The following DNAJC10 variants were observed in gnomAD, a reference collection of about 807,000 sequenced individuals.
The protein encoded by DNAJC10 is DnaJ heat shock protein family (Hsp40) member C10.
Under a neutral mutation model 115.0 loss-of-function variants are expected in DNAJC10, and 101 were observed. The ratio of observed to expected loss-of-function variants is 0.88; its 90% CI spans 0.75 to 1.04. DNAJC10 has a LOEUF of 1.04. Among genes scored for constraint, DNAJC10 ranks in the 50% least tolerant of loss-of-function variants. The probability of loss-of-function intolerance (pLI) is 0.00; values close to 1 mark genes in which losing one functional copy is unlikely to be tolerated. For missense variants in DNAJC10, 981 were observed against 928.8 expected (o/e 1.06, Z -0.73); for synonymous variants, 307 against 301.5 (o/e 1.02, Z -0.19).
chr2:182,731,828 T>C (rs777830799), intron 9 of DNAJC10, among the ~76,000 whole-genome samples: 12 of 152,186 alleles, frequency 7.9e-5, no homozygotes, highest in Admixed American at 4.6e-4. Flanking sequence ...GACACTGCCT[T>C]GCAGCAAAAC....
At chr2:182,751,130 CTTTTT>C (rs773393648) in intron 14 of DNAJC10, among the ~76,000 whole-genome samples, 18 of 85,180 alleles carry the variant, frequency 2.1e-4, no homozygotes, top group South Asian at 5.4e-4. Context: ...GAGATTTTGA[CTTTTT>C]TTTTTTTTTT....
At chr2:182,734,881 G>A (rs1219543706) in intron 10 of DNAJC10, among the ~76,000 whole-genome samples, 3 of 151,234 alleles carry the variant, frequency 2.0e-5, no homozygotes, top group Admixed American at 6.6e-5. Context: ...AGCTACACCA[G>A]CTTTCTTTTG....
At chr2:182,718,479 T>C (rs1693058103) in intron 3 of DNAJC10, among the ~76,000 whole-genome samples, 189 bp downstream of exon 3, 1 of 152,210 alleles carries the variant, frequency 6.6e-6, no homozygotes, top group African/African-American at 2.4e-5. Flanking sequence ...GGAATGTCAG[T>C]ACCAAAAATT....
At chr2:182,776,804 A>G (rs1694718656) in intron 23 of DNAJC10, among the ~76,000 whole-genome samples, 1 of 152,228 alleles carries the variant, frequency 6.6e-6, no homozygotes, top group African/African-American at 2.4e-5. Context: ...TTATCTCATT[A>G]AATATTTGAA....
chr2:182,731,756 A>G (rs184202554), intron 9 of DNAJC10, among the ~76,000 whole-genome samples: 178 of 152,304 alleles, frequency 1.2e-3, no homozygotes, highest in African/African-American at 3.8e-3. Flanking sequence ...CTATATTGAA[A>G]AGGTACTGCC....
chr2:182,761,499 G>A (rs1694283821), intron 21 of DNAJC10, among the ~76,000 whole-genome samples: 1 of 152,112 alleles, frequency 6.6e-6, no homozygotes, highest in South Asian at 2.1e-4. Flanking sequence ...GATATTTTAA[G>A]TGTCCTGAAG....
In DNAJC10 at chr2:182,759,173, G is replaced by A; in HGVS notation, c.2011G>A (p.Val671Ile). ...CATTTGCCACAGATTTTTACCTCAA[G>A]TATCCACAGATCTAACACCTCAGAC... ...RIWGLGFLPQ[V>I]STDLTPQTFS... is the part of the protein sequence containing the mutation. The change falls in exon 21 of 24, where the codon GTA becomes ATA. Residue 671 changes from valine to isoleucine, a missense_variant. By Grantham distance (29) the Val-to-Ile change is conservative (BLOSUM62 3). Transcript: ENST00000264065. 1.3e-6 allele frequency: 2 copies of A among 1,581,378 alleles called. No homozygotes were observed. The highest frequency in any genetic ancestry group is 1.7e-6 in the Non-Finnish European group (2 of 1,170,870).
intron 16 of DNAJC10, 28 bp from the exon 17 acceptor site, chr2:182,754,975 C>T: frequency 2.0e-6 from 3 of 1,471,778 alleles, no homozygotes; most frequent in Non-Finnish European, 2.8e-6. Context: ...TCTATAAAAT[C>T]TTTAATTCAT....
chr2:182,769,374 A>C (rs760644112), intron 22 of DNAJC10, among the ~76,000 whole-genome samples: 2 of 152,088 alleles, frequency 1.3e-5, no homozygotes, highest in African/African-American at 2.4e-5. Context: ...TGGTAATTCT[A>C]ATTCTAGATC....
intron 11 of DNAJC10, among the ~76,000 whole-genome samples, chr2:182,737,508 G>A (rs1341498736): frequency 2.6e-5 from 4 of 152,082 alleles, no homozygotes; most frequent in Admixed American, 2.0e-4. Flanking sequence ...ATGCAATTAC[G>A]ACTTTGTGCC....
intron 8 of DNAJC10, 35 bp from the exon 9 acceptor site, chr2:182,730,990 ATAGGT>A: frequency 7.3e-7 from 1 of 1,379,144 alleles, no homozygotes; most frequent in Non-Finnish European, 1.0e-6. Context: ...TAAAGGAGTA[ATAGGT>A]GATCAGAATT....
chr2:182,790,024 C>G lies in DNAJC10; in HGVS notation c.*12892C>G, dbSNP rs1309397946. The G allele has an allele frequency of 1.3e-5, 2 of 152,158 alleles. No individual in the cohort carries two copies. The highest frequency in any genetic ancestry group is 1.3e-4 in the Admixed American group (2 of 15,272). The allele number at this position is 152,158 out of a possible 1,614,324, so 9.4% of individuals were successfully genotyped here. On this transcript the variant is annotated 3_prime_UTR_variant, in exon 24 of 24. Coordinates refer to ENST00000264065, the MANE Select transcript of DNAJC10 (RefSeq NM_018981.4). Reference sequence around the variant, plus strand: ...ATTTGGATGCCCTTTTCATCCTTCACCTCATCCTGTAAACCCAAAATCTAA... The same window carrying G: ...ATTTGGATGCCCTTTTCATCCTTCAGCTCATCCTGTAAACCCAAAATCTAA...
intron 3 of DNAJC10, among the ~76,000 whole-genome samples, chr2:182,719,177 A>G (rs1693077726): frequency 6.6e-6 from 1 of 151,590 alleles, no homozygotes; most frequent in African/African-American, 2.4e-5. Context: ...AAATGAAAGC[A>G]TCCTTCAGAA....
chr2:182,720,491 T>C lies in DNAJC10; in HGVS notation c.367+322T>C, dbSNP rs1383040400. On this transcript the variant is annotated intron_variant, in intron 4 of 23. Transcript: ENST00000264065. ...GTAGGACATTGGTCCCATGAAATTATAATACCATATTTTTACTGTACCTTT... is the reference window on the plus strand; with the variant it reads ...GTAGGACATTGGTCCCATGAAATTACAATACCATATTTTTACTGTACCTTT... Among the ~76,000 whole-genome samples the C allele has an allele frequency of 4.6e-5, 7 of 152,322 alleles. No homozygotes were observed. In the South Asian group the frequency reaches 1.2e-3, roughly 27 times the overall value.
Position 182,757,944 on chromosome 2 carries a change from C to G in DNAJC10, c.1943+119C>G, listed in dbSNP as rs932463513. On this transcript the variant is annotated intron_variant, in intron 19 of 23. Transcript: ENST00000264065. ...ACAAATATTTATTGGGAGCCCACTACGTAAAGATAGTTTGTTAATGAACAT... is the reference window on the plus strand; with the variant it reads ...ACAAATATTTATTGGGAGCCCACTAGGTAAAGATAGTTTGTTAATGAACAT... The G allele has an allele frequency of 5.2e-6, 3 of 579,296 alleles. No homozygotes were observed. The East Asian group carries it at 8.9e-5, about 17-fold the overall frequency. 35.9% of individuals were successfully genotyped at this position (579,296 alleles called of 1,614,324 possible).
chr2:182,758,576 A>G (rs929370872), intron 19 of DNAJC10, among the ~76,000 whole-genome samples: 1 of 152,152 alleles, frequency 6.6e-6, no homozygotes, highest in Non-Finnish European at 1.5e-5. Flanking sequence ...GAGTTTCGCA[A>G]TTCCCATAGG....
At chr2:182,728,450 T>A in intron 5 of DNAJC10, 126 bp from the exon 6 acceptor site, 1 of 582,530 alleles carries the variant, frequency 1.7e-6, no homozygotes, top group Non-Finnish European at 2.9e-6. Context: ...ACACAGAAAA[T>A]GAGAAAGACA....
At chr2:182,722,768 C>T (rs370085919) in intron 5 of DNAJC10, among the ~76,000 whole-genome samples, 37 of 151,970 alleles carry the variant, frequency 2.4e-4, no homozygotes, top group African/African-American at 8.4e-4. Context: ...TGGGGAAAAC[C>T]CTCTCTACTA....
At chr2:182,752,696 G>A (rs1195041299) in intron 16 of DNAJC10, 4 of 288,970 alleles carry the variant, frequency 1.4e-5, no homozygotes, top group East Asian at 1.8e-4. Flanking sequence ...GTAATATCAC[G>A]TATAAAATAC....
Sources: allele counts gnomAD v4.1 joint callset (sites outside exome capture counted in the v4.1 genomes callset), GRCh38; gene constraint gnomAD v4.1.1; transcripts MANE v1.5; gene names NCBI Gene and HGNC (gene_info 2026-07-23, HGNC 2026-07-21).